PFKP: variants seen among roughly 807,000 people sequenced by gnomAD.
The protein encoded by PFKP is ATP-dependent 6-phosphofructokinase, platelet type.
In PFKP, 101 loss-of-function variants were observed where a neutral mutation model predicts 94.3. The observed-to-expected ratio is 1.07, with a 90% CI of 0.91 to 1.26. The LOEUF is 1.26. Ranked by LOEUF, PFKP falls within the 50% of genes most tolerant of loss-of-function variation. The pLI is 0.00. For synonymous variants in PFKP, 573 were observed against 432.6 expected (o/e 1.32, Z -4.03); for missense variants, 1,145 against 1,103.3 (o/e 1.04, Z -0.53).
chr10:3,100,154 C>T (rs1446327378), intron 3 of PFKP, among the ~76,000 whole-genome samples: 2 of 151,590 alleles, frequency 1.3e-5, no homozygotes, highest in Non-Finnish European at 2.9e-5. Flanking sequence ...GGTTTCGTTC[C>T]TGAGTTGCGG....
intron 14 of PFKP, among the ~76,000 whole-genome samples, chr10:3,117,801 G>C (rs7903088): frequency 0.25 from 37,567 of 152,054 alleles, 4,933 homozygotes; most frequent in Non-Finnish European, 0.31. Context: ...CTCGAACGTA[G>C]AGAGGACTCG....
intron 17 of PFKP, among the ~76,000 whole-genome samples, chr10:3,131,941 G>GT (rs1342129736): frequency 2.6e-5 from 4 of 152,130 alleles, no homozygotes; most frequent in Non-Finnish European, 5.9e-5. Flanking sequence ...GTGTATGAAT[G>GT]TGAGTCTACA....
At chr10:3,117,178 G>A (rs1028443848) in intron 14 of PFKP, among the ~76,000 whole-genome samples, 1 of 152,184 alleles carries the variant, frequency 6.6e-6, no homozygotes, top group Non-Finnish European at 1.5e-5. Context: ...CCGTGGAGAT[G>A]GCACTCTAAG....
chr10:3,132,585 CTG>C, intron 18 of PFKP, 144 bp downstream of exon 18: 1 of 628,130 alleles, frequency 1.6e-6, no homozygotes, highest in East Asian at 2.7e-5. Context: ...CAGAAGACAG[CTG>C]TGGTGCATTG....
rs1408345336 is a variant in PFKP at position 3,136,578 on chromosome 10, G to A, written c.2354G>A (p.Ter785=). The A allele has an allele frequency of 6.2e-7, 1 of 1,612,796 alleles. No individual in the cohort carries two copies. The highest frequency in any genetic ancestry group is 8.5e-7 in the Non-Finnish European group (1 of 1,179,324). The change falls in exon 22 of 22, where the codon TGA becomes TAA. Residue 785 remains the stop codon, a stop_retained_variant. Transcript: ENST00000381125. ...GAACATGTGCAGCCCTGGAGTGTCT[G>A]ACCCAGTCCCGCCTGCATGTGCCTG... The part of the protein sequence containing the change: ...QLEHVQPWSV[*]
intron 19 of PFKP, 82 bp downstream of exon 19, chr10:3,133,396 G>C: frequency 1.1e-6 from 1 of 887,838 alleles, no homozygotes; most frequent in East Asian, 2.4e-5. Flanking sequence ...TAGCCATTGT[G>C]GGGAAAAATG....
chr10:3,082,917 T>C (rs1204520875), intron 2 of PFKP, among the ~76,000 whole-genome samples: 1 of 152,160 alleles, frequency 6.6e-6, no homozygotes, highest in Non-Finnish European at 1.5e-5. Context: ...CTCACCATGT[T>C]GGCCAGGCTG....
intron 16 of PFKP, among the ~76,000 whole-genome samples, chr10:3,122,913 C>T (rs1837570952): frequency 6.6e-6 from 1 of 152,186 alleles, no homozygotes; most frequent in Non-Finnish European, 1.5e-5. Context: ...CGGAACGTCC[C>T]TCAGAGCACA....
chr10:3,125,344 C>G (rs1588549677), intron 16 of PFKP: 2 of 794,868 alleles, frequency 2.5e-6, no homozygotes, highest in South Asian at 2.1e-5. Flanking sequence ...TATTCTTCTT[C>G]TTTTCTCCCC....
Position 3,119,986 on chromosome 10 carries a change from A to G in PFKP, c.1625A>G (p.Asn542Ser). 2 of 1,613,832 alleles carry G rather than the reference A, an allele frequency of 1.2e-6. No homozygotes were observed. The highest frequency in any genetic ancestry group is 1.7e-6 in the Non-Finnish European group (2 of 1,179,754). ...MVMVPATVSNNVPGSDFSIGA... is the reference protein window; with the variant it reads ...MVMVPATVSNSVPGSDFSIGA... ...ATGGTTCCCGCTACTGTGTCCAACAATGTGCCGGGTTCCGATTTCAGCATC... is the reference window on the plus strand; with the variant it reads ...ATGGTTCCCGCTACTGTGTCCAACAGTGTGCCGGGTTCCGATTTCAGCATC... Residue 542 changes from asparagine to serine, a missense_variant, in exon 16 of 22, where the codon AAT becomes AGT. Around this residue, in one of 3 missense-constraint regions of PFKP, gnomAD observed 1,119 missense variants for 1,062.8 expected, o/e 1.05. Coordinates refer to ENST00000381125, the MANE Select transcript of PFKP (RefSeq NM_002627.5).
chr10:3,119,541 G>C (rs1306494299), intron 15 of PFKP, among the ~76,000 whole-genome samples: 1 of 152,132 alleles, frequency 6.6e-6, no homozygotes, highest in Admixed American at 6.5e-5. Flanking sequence ...GGAGGCGGAG[G>C]TTGCAGTGAG....
intron 1 of PFKP, among the ~76,000 whole-genome samples, chr10:3,077,249 C>CTTTTTTTTTTTTATTTTT (rs35306351): frequency 2.8e-5 from 3 of 108,172 alleles, no homozygotes; most frequent in Non-Finnish European, 3.6e-5. Context: ...CTATTCTTTA[C>CTTTTTTTTTTTTATTTTT]TTTTTTTTTT....
At chr10:3,071,545 A>T (rs1480619357) in intron 1 of PFKP, among the ~76,000 whole-genome samples, 2 of 151,062 alleles carry the variant, frequency 1.3e-5, no homozygotes, top group African/African-American at 4.9e-5. Context: ...TAAGCTCCAT[A>T]ACTCTGAATG....
At chr10:3,095,601 T>A (rs887404008) in intron 2 of PFKP, among the ~76,000 whole-genome samples, 6 of 152,212 alleles carry the variant, frequency 3.9e-5, no homozygotes, top group Non-Finnish European at 8.8e-5. Context: ...GTTTTTCCTA[T>A]GTGAGTCATA....
Position 3,122,960 on chromosome 10 carries a change from C to T in PFKP, c.1683+2916C>T, listed in dbSNP as rs150616011. On this transcript the variant is annotated intron_variant, in intron 16 of 21. Transcript: ENST00000381125. Reference sequence around the variant, plus strand: ...ATAATAGGAGTCTGGCTCAGGATGTCGCCGTGTTGTGCTTCGGAAGCCCTG... The same window carrying T: ...ATAATAGGAGTCTGGCTCAGGATGTTGCCGTGTTGTGCTTCGGAAGCCCTG... 2.2e-4 allele frequency among the ~76,000 whole-genome samples: 33 copies of T among 152,302 alleles called. 2 individuals are homozygous for T. The highest frequency in any genetic ancestry group is 3.1e-4 in the African/African-American group (13 of 41,546).
rs545468483 is a variant in PFKP at position 3,116,838 on chromosome 10, G to C, written c.1434G>C (p.Gly478=). 3.4e-5 allele frequency: 55 copies of C among 1,608,958 alleles called. No homozygotes were observed. In the South Asian group the frequency reaches 6.0e-4, roughly 18 times the overall value. Residue 478 remains glycine, a synonymous_variant, in exon 14 of 22, where the codon GGG becomes GGC. Transcript: ENST00000381125. Reference sequence around the variant, plus strand: ...CCGGCCAAGGAGGCTCCATTCTTGGGACAAAACGGTAACTTCCAAATCTCA... The same window carrying C: ...CCGGCCAAGGAGGCTCCATTCTTGGCACAAAACGGTAACTTCCAAATCTCA... The part of the protein sequence containing the change: ...GWTGQGGSIL[G]TKRVLPGKYL...
At chr10:3,103,129 T>G (rs1835182340) in intron 4 of PFKP, among the ~76,000 whole-genome samples, 1 of 152,222 alleles carries the variant, frequency 6.6e-6, no homozygotes, top group Non-Finnish European at 1.5e-5. Flanking sequence ...ATTCCGTAAT[T>G]GTAACGTATC....
At position 3,112,281 on chromosome 10, in the gene PFKP, AG is replaced by A; in HGVS notation, c.1152del (p.Arg385GlyfsTer7). 6.2e-7 allele frequency: 1 copy of A among 1,612,624 alleles called. No individual in the cohort carries two copies. The highest frequency in any genetic ancestry group is 8.5e-7 in the Non-Finnish European group (1 of 1,178,606). On this transcript the variant is annotated frameshift_variant, in exon 11 of 22. Coordinates refer to ENST00000381125, the MANE Select transcript of PFKP (RefSeq NM_002627.5). LOFTEE classifies it high-confidence loss of function. ...RRFQDAVRLR[G>X]RSFAGNLNTY... ...GATTTCAAGATGCGGTTCGACTCCG[AG>A]GGAGGTGAGGTGCTTTGGAGAAAGC...
At chr10:3,068,932 G>C (rs1422716525) in intron 1 of PFKP, among the ~76,000 whole-genome samples, 3 of 152,172 alleles carry the variant, frequency 2.0e-5, no homozygotes, top group African/African-American at 7.2e-5. Context: ...GTTGGAGCGG[G>C]GATGCACCCC....
Sources: allele counts gnomAD v4.1 joint callset (sites outside exome capture counted in the v4.1 genomes callset), GRCh38; gene constraint gnomAD v4.1.1; regional missense constraint gnomAD v4.1.1; transcripts MANE v1.5; gene names NCBI Gene and HGNC (gene_info 2026-07-23, HGNC 2026-07-21).